Variants in TPD52L1 observed in about 807,000 individuals in gnomAD.
The protein encoded by TPD52L1 is tumor protein D53.
TPD52L1 carries 18 observed loss-of-function variants against 28.7 expected under a neutral mutation model. That is an observed-to-expected ratio of 0.63 (90% CI 0.43 to 0.93). The LOEUF (loss-of-function observed/expected upper bound fraction) is 0.93, where lower values mean the gene tolerates loss of function less well. Among genes scored for constraint, TPD52L1 ranks in the 40% least tolerant of loss-of-function variants. The pLI, the probability that TPD52L1 is intolerant of heterozygous loss-of-function variation, is 0.00. For synonymous variants in TPD52L1, 75 were observed against 88.8 expected (o/e 0.84, Z 0.88); for missense variants, 203 against 254.8 (o/e 0.80, Z 1.39).
At chr6:125,249,116 CATATTATATACA>C (rs1235508627) in intron 4 of TPD52L1, among the ~76,000 whole-genome samples, 3 of 151,006 alleles carry the variant, frequency 2.0e-5, no homozygotes, top group East Asian at 1.9e-4. Flanking sequence ...CATAGTTTTT[CATATTATATACA>C]ATATTATATA....
intron 3 of TPD52L1, among the ~76,000 whole-genome samples, chr6:125,232,367 A>T (rs4896848): frequency 0.34 from 50,924 of 151,832 alleles, 8,942 homozygotes; most frequent in Admixed American, 0.43. Flanking sequence ...GATCTTAATC[A>T]TATGTTTGGA....
At chr6:125,192,404 G>A (rs928285431) in intron 1 of TPD52L1, among the ~76,000 whole-genome samples, 1 of 151,988 alleles carries the variant, frequency 6.6e-6, no homozygotes, top group Non-Finnish European at 1.5e-5. Flanking sequence ...CTATGCAGGG[G>A]AGGAGAAACA....
At chr6:125,204,768 T>C (rs74764131) in intron 1 of TPD52L1, among the ~76,000 whole-genome samples, 1,747 of 152,312 alleles carry the variant, frequency 0.011, 36 homozygotes, top group African/African-American at 0.04. Flanking sequence ...CGTGAGCCAC[T>C]GCGCCAGGCC....
At chr6:125,231,508 G>A (rs1795946384) in intron 3 of TPD52L1, among the ~76,000 whole-genome samples, 1 of 152,212 alleles carries the variant, frequency 6.6e-6, no homozygotes, top group African/African-American at 2.4e-5. Context: ...TTATAGCCAG[G>A]TAGTCTACTT....
At chr6:125,239,507 A>T (rs1450847365) in intron 3 of TPD52L1, among the ~76,000 whole-genome samples, 3 of 152,098 alleles carry the variant, frequency 2.0e-5, no homozygotes, top group African/African-American at 7.2e-5. Context: ...ATCTCATGAG[A>T]CTTATTTACT....
intron 3 of TPD52L1, among the ~76,000 whole-genome samples, chr6:125,243,868 C>A (rs1796765742): frequency 6.6e-6 from 1 of 152,040 alleles, no homozygotes. Context: ...TGTTATAGAA[C>A]CCTGGTTTGT....
chr6:125,214,205 TGG>T (rs1187051162), intron 1 of TPD52L1, among the ~76,000 whole-genome samples: 4 of 152,156 alleles, frequency 2.6e-5, no homozygotes, highest in Non-Finnish European at 5.9e-5. Flanking sequence ...GCCAAGGGCA[TGG>T]GAATCATATT....
intron 1 of TPD52L1, among the ~76,000 whole-genome samples, chr6:125,204,185 T>G (rs1036284726): frequency 6.6e-6 from 1 of 152,148 alleles, no homozygotes; most frequent in Non-Finnish European, 1.5e-5. Context: ...CCTGAGAAAG[T>G]GTGGCTTTAG....
chr6:125,219,940 T>G (rs1322439196), intron 1 of TPD52L1, 138 bp from the exon 2 acceptor site: 1 of 718,530 alleles, frequency 1.4e-6, no homozygotes, highest in Non-Finnish European at 2.5e-6. Flanking sequence ...TTAGGAGGAT[T>G]TTTGTCTTTT....
chr6:125,181,345 A>T (rs953981207), intron 1 of TPD52L1, among the ~76,000 whole-genome samples: 1 of 152,162 alleles, frequency 6.6e-6, no homozygotes, highest in Non-Finnish European at 1.5e-5. Context: ...CTCTAAGAGC[A>T]CCAAGAAACA....
rs76433496 is a variant in TPD52L1, at chr6:125,230,556, A to G, written c.284+1290A>G. On this transcript the variant is annotated intron_variant, in intron 3 of 6. Coordinates refer to ENST00000534000, the MANE Select transcript of TPD52L1 (RefSeq NM_003287.4). ...TGGTAGGAAGAGGTACCAATAATTG[A>G]CAGCAATTATTTCAGTTTTGCCAGC... Among the ~76,000 whole-genome samples the G allele has an allele frequency of 5.4e-3, 829 of 152,254 alleles. 4 individuals are homozygous for G. The highest frequency in any genetic ancestry group is 0.019 in the South Asian group (93 of 4,822).
chr6:125,234,540 T>A (rs1314157364), intron 3 of TPD52L1: 2 of 152,202 alleles, frequency 1.3e-5, no homozygotes, highest in African/African-American at 4.8e-5. Context: ...AAGGAAAACA[T>A]ATTGTTCCTC....
chr6:125,219,771 A>C (rs1795106856), intron 1 of TPD52L1: 1 of 390,944 alleles, frequency 2.6e-6, no homozygotes, highest in Non-Finnish European at 4.9e-6. Context: ...CTTACGCCTC[A>C]TGAGACAGTG....
At chr6:125,252,233 A>C in intron 4 of TPD52L1, 142 of 552,280 alleles carry the variant, frequency 2.6e-4, no homozygotes, top group East Asian at 7.2e-4. Context: ...TCTCTATCTC[A>C]TTTCTGAATC....
chr6:125,217,861 T>G (rs573135286), intron 1 of TPD52L1, among the ~76,000 whole-genome samples: 201 of 152,350 alleles, frequency 1.3e-3, no homozygotes, highest in African/African-American at 4.4e-3. Flanking sequence ...TTCTGCAACT[T>G]GCATTTTTCA....
At chr6:125,164,490 A>G (rs925231184) in intron 1 of TPD52L1, among the ~76,000 whole-genome samples, 2 of 152,204 alleles carry the variant, frequency 1.3e-5, no homozygotes, top group Non-Finnish European at 2.9e-5. Context: ...GTGTTCATCC[A>G]TATTCAGTCA....
At chr6:125,158,265 C>T (rs1289947204) in intron 1 of TPD52L1, among the ~76,000 whole-genome samples, 2 of 152,134 alleles carry the variant, frequency 1.3e-5, no homozygotes, top group Non-Finnish European at 2.9e-5. Flanking sequence ...TTTATATCCA[C>T]TCAAGAAGAG....
chr6:125,216,820 T>A (rs985300830), intron 1 of TPD52L1, among the ~76,000 whole-genome samples: 2 of 151,938 alleles, frequency 1.3e-5, no homozygotes, highest in Non-Finnish European at 2.9e-5. Flanking sequence ...TAATGTTTGT[T>A]ACCGTGTTGG....
At chr6:125,159,748 A>G (rs1790383865) in intron 1 of TPD52L1, among the ~76,000 whole-genome samples, 1 of 148,836 alleles carries the variant, frequency 6.7e-6, no homozygotes, top group South Asian at 2.1e-4. Flanking sequence ...CTGATCCACA[A>G]GCTGAAGAGT....
Sources: gnomAD v4.1 joint callset for allele counts (sites outside exome capture counted in the v4.1 genomes callset) on GRCh38, gnomAD v4.1.1 for gene constraint, MANE v1.5 for transcripts, NCBI Gene and HGNC (gene_info 2026-07-23, HGNC 2026-07-21) for gene names.